CLSTN2: variants seen among roughly 807,000 people sequenced by gnomAD.
CLSTN2 encodes the protein calsyntenin-2.
A neutral mutation model predicts 101.2 loss-of-function variants in CLSTN2; 48 were observed. The ratio of observed to expected loss-of-function variants is 0.47; its 90% CI spans 0.38 to 0.60. The LOEUF (loss-of-function observed/expected upper bound fraction) is 0.60, where lower values mean the gene tolerates loss of function less well. Ranked by LOEUF, CLSTN2 falls within the 20% of genes least tolerant of loss-of-function variation. The probability of loss-of-function intolerance (pLI) is 0.00; values close to 1 mark genes in which losing one functional copy is unlikely to be tolerated. For synonymous variants in CLSTN2, 481 were observed against 463.6 expected, an observed-to-expected ratio of 1.04 and a Z score of -0.48; for missense variants, 1,160 against 1,238.2, an observed-to-expected ratio of 0.94 and a Z score of 0.95.
intron 6 of CLSTN2, among the ~76,000 whole-genome samples, chr3:140,455,251 C>T (rs1019274436): frequency 3.9e-5 from 6 of 152,204 alleles, no homozygotes; most frequent in Admixed American, 1.3e-4. Context: ...TATCCCTGCC[C>T]TTTCTCATGC....
At position 140,065,222 on chromosome 3, in the gene CLSTN2, G is replaced by A. The variant is rs75160854; in HGVS notation, c.110-110729G>A. Reference sequence around the variant, plus strand: ...TGACTTCACCTGCAAGGGCAGGTGTGTGGAAGGTGAGGCCAGGTGAGCCGA... The same window carrying A: ...TGACTTCACCTGCAAGGGCAGGTGTATGGAAGGTGAGGCCAGGTGAGCCGA... On this transcript the variant is annotated intron_variant, in intron 1 of 16. Coordinates refer to ENST00000458420, the MANE Select transcript of CLSTN2 (RefSeq NM_022131.3). Among the ~76,000 whole-genome samples, 11 of 152,356 alleles carry A rather than the reference G, an allele frequency of 7.2e-5. No homozygotes were observed. The East Asian group carries it at 2.1e-3, about 29-fold the overall frequency.
chr3:140,135,420 T>A (rs1455385684), intron 1 of CLSTN2, among the ~76,000 whole-genome samples: 1 of 152,054 alleles, frequency 6.6e-6, no homozygotes, highest in Non-Finnish European at 1.5e-5. Context: ...AGCAGTAGAA[T>A]CTTGAGCTAA....
chr3:140,367,452 G>A (rs140579491), intron 2 of CLSTN2, among the ~76,000 whole-genome samples: 3,239 of 146,836 alleles, frequency 0.022, 109 homozygotes, highest in African/African-American at 0.079. Flanking sequence ...GGCAGAGGTT[G>A]CAGTGAGCCG....
At chr3:140,114,840 G>T (rs1485294764) in intron 1 of CLSTN2, among the ~76,000 whole-genome samples, 2 of 152,022 alleles carry the variant, frequency 1.3e-5, no homozygotes, top group African/African-American at 2.4e-5. Flanking sequence ...CTTCACCTCT[G>T]CCCCCTCCCC....
chr3:140,232,376 C>A (rs1180308776), intron 2 of CLSTN2, among the ~76,000 whole-genome samples: 1 of 152,052 alleles, frequency 6.6e-6, no homozygotes, highest in African/African-American at 2.4e-5. Flanking sequence ...CTCTCCTGAT[C>A]CTCATTCCCT....
At chr3:140,555,446 C>T (rs1935774223) in intron 10 of CLSTN2, among the ~76,000 whole-genome samples, 1 of 152,072 alleles carries the variant, frequency 6.6e-6, no homozygotes. Context: ...ATAATGAGTA[C>T]TTGTGGGATG....
chr3:140,262,779 C>A (rs2086664709), intron 2 of CLSTN2, among the ~76,000 whole-genome samples: 1 of 151,994 alleles, frequency 6.6e-6, no homozygotes, highest in Admixed American at 6.6e-5. Context: ...AAGCAGTCAA[C>A]AAAGAGCCCA....
intron 8 of CLSTN2, among the ~76,000 whole-genome samples, chr3:140,481,166 G>A (rs1310589339): frequency 1.3e-5 from 2 of 152,078 alleles, no homozygotes; most frequent in Non-Finnish European, 2.9e-5. Flanking sequence ...TCTACATATG[G>A]CTAGCCAGTT....
intron 1 of CLSTN2, among the ~76,000 whole-genome samples, chr3:140,114,607 C>T (rs978063536): frequency 4.6e-5 from 7 of 152,094 alleles, no homozygotes; most frequent in Middle Eastern, 3.4e-3. Flanking sequence ...GCAGAATGTA[C>T]GCATTCAAAT....
At chr3:139,979,539 TA>T (rs1202520033) in intron 1 of CLSTN2, among the ~76,000 whole-genome samples, 1 of 152,156 alleles carries the variant, frequency 6.6e-6, no homozygotes, top group African/African-American at 2.4e-5. Flanking sequence ...GGCACATTTC[TA>T]AAAAAATAAT....
At chr3:140,305,012 A>G (rs1428035179) in intron 2 of CLSTN2, among the ~76,000 whole-genome samples, 1 of 148,646 alleles carries the variant, frequency 6.7e-6, no homozygotes, top group Non-Finnish European at 1.5e-5. Flanking sequence ...TAGCTGTCAC[A>G]CACACACAGA....
At chr3:140,562,647 C>T (rs1262130364) in intron 13 of CLSTN2, among the ~76,000 whole-genome samples, 164 bp from the exon 14 acceptor site, 2 of 152,194 alleles carry the variant, frequency 1.3e-5, no homozygotes, top group Non-Finnish European at 2.9e-5. Flanking sequence ...AATTTTGGCT[C>T]CTTAGAACTT....
At chr3:139,954,364 C>A (rs1935350681) in intron 1 of CLSTN2, among the ~76,000 whole-genome samples, 1 of 152,156 alleles carries the variant, frequency 6.6e-6, no homozygotes, top group Non-Finnish European at 1.5e-5. Flanking sequence ...AACTTGTCTT[C>A]ACATCCATCT....
At chr3:140,528,558 A>G (rs925726691) in intron 8 of CLSTN2, among the ~76,000 whole-genome samples, 1 of 151,974 alleles carries the variant, frequency 6.6e-6, no homozygotes, top group South Asian at 2.1e-4. Flanking sequence ...TAGGACGTGC[A>G]TTTAGTAAAT....
intron 8 of CLSTN2, among the ~76,000 whole-genome samples, chr3:140,501,952 A>G (rs573866565): frequency 6.6e-6 from 1 of 152,366 alleles, no homozygotes; most frequent in South Asian, 2.1e-4. Context: ...GGCTGTAGAC[A>G]CAAACTCATT....
At chr3:139,948,102 C>A (rs1264631743) in intron 1 of CLSTN2, among the ~76,000 whole-genome samples, 1 of 152,110 alleles carries the variant, frequency 6.6e-6, no homozygotes, top group East Asian at 1.9e-4. Context: ...CTCACTCTTC[C>A]CTTATCTTGC....
At position 140,072,205 on chromosome 3, in the gene CLSTN2, A is replaced by AC. The variant is rs397818780; in HGVS notation, c.110-103745dup. ...ACATTGTTTATATTTCTTAAAAAAA[A>AC]CAGAAAACAACATAAATATCCATTA... On this transcript the variant is annotated intron_variant, in intron 1 of 16. Transcript: ENST00000458420. Among the ~76,000 whole-genome samples the AC allele has an allele frequency of 5.9e-5, 9 of 151,894 alleles. No homozygotes were observed. In the South Asian group the frequency reaches 1.0e-3, roughly 18 times the overall value.
At chr3:140,206,527 T>C (rs1017206266) in intron 2 of CLSTN2, among the ~76,000 whole-genome samples, 5 of 152,168 alleles carry the variant, frequency 3.3e-5, no homozygotes. Context: ...TCGGCTCTTA[T>C]CAAATATGAG....
chr3:140,462,082 A>T (rs1933578068), intron 7 of CLSTN2, among the ~76,000 whole-genome samples: 1 of 152,158 alleles, frequency 6.6e-6, no homozygotes, highest in East Asian at 1.9e-4. Context: ...AAATTAACTA[A>T]AATCCTAACC....
Sources: gnomAD v4.1 joint callset for allele counts (sites outside exome capture counted in the v4.1 genomes callset) on GRCh38, gnomAD v4.1.1 for gene constraint, MANE v1.5 for transcripts, NCBI Gene and HGNC (gene_info 2026-07-23, HGNC 2026-07-21) for gene names.